NTM: variants seen among roughly 807,000 people sequenced by gnomAD.
The protein encoded by NTM is IgLON family member 2.
In NTM, 13 loss-of-function variants were observed where a neutral mutation model predicts 42.1. The observed-to-expected ratio is 0.31, with a 90% CI of 0.20 to 0.49. NTM has a LOEUF of 0.49. Among genes scored for constraint, NTM ranks in the 20% least tolerant of loss-of-function variants. The pLI is 0.99. For missense variants in NTM, 373 were observed against 452.8 expected, an observed-to-expected ratio of 0.82 and a Z score of 1.60; for synonymous variants, 187 against 179.2, an observed-to-expected ratio of 1.04 and a Z score of -0.35.
At chr11:132,060,079 T>C (rs578051515) in intron 2 of NTM, among the ~76,000 whole-genome samples, 65 of 152,292 alleles carry the variant, frequency 4.3e-4, no homozygotes, top group African/African-American at 1.5e-3. Flanking sequence ...GATTCTTCCC[T>C]CCACATGAGA....
At chr11:131,703,818 C>T (rs943930991) in intron 1 of NTM, among the ~76,000 whole-genome samples, 5 of 152,114 alleles carry the variant, frequency 3.3e-5, no homozygotes, top group South Asian at 2.1e-4. Context: ...GAGTAGCATA[C>T]GTTGCTGCAG....
intron 1 of NTM, among the ~76,000 whole-genome samples, chr11:131,460,673 C>T (rs1951295790): frequency 6.6e-6 from 1 of 152,188 alleles, no homozygotes; most frequent in East Asian, 1.9e-4. Flanking sequence ...CTGCCTCAAC[C>T]TCCTGAGTAG....
intron 1 of NTM, among the ~76,000 whole-genome samples, chr11:131,500,970 T>G (rs2046746562): frequency 6.6e-6 from 1 of 151,864 alleles, no homozygotes; most frequent in South Asian, 2.1e-4. Context: ...TGCCACATTT[T>G]CTTAATCCTG....
intron 1 of NTM, among the ~76,000 whole-genome samples, chr11:131,614,446 T>A (rs559174595): frequency 6.6e-6 from 1 of 152,350 alleles, no homozygotes; most frequent in South Asian, 2.1e-4. Context: ...CTGTTCTTTT[T>A]GTTTTAAGCT....
chr11:132,152,672 C>T (rs2072215602), intron 3 of NTM, among the ~76,000 whole-genome samples: 1 of 152,166 alleles, frequency 6.6e-6, no homozygotes, highest in East Asian at 1.9e-4. Flanking sequence ...TCTGTTCTAC[C>T]TGGTGAGTTT....
chr11:131,515,793 A>G (rs540365354), intron 1 of NTM, among the ~76,000 whole-genome samples: 7 of 152,202 alleles, frequency 4.6e-5, no homozygotes, highest in Non-Finnish European at 7.4e-5. Flanking sequence ...GAAACGTTTC[A>G]GGGAGATTGC....
Position 132,112,530 on chromosome 11 carries a change from G to A in NTM, c.168-33752G>A, listed in dbSNP as rs538279233. ...CTGGTGGAGTCAACAGCAAGAAAAC[G>A]AGACTCCCAGTGGGAGGGTGTGTAC... On this transcript the variant is annotated intron_variant, in intron 2 of 8. Transcript: ENST00000683400. 2.9e-4 allele frequency among the ~76,000 whole-genome samples: 44 copies of A among 152,206 alleles called. No homozygotes were observed. The South Asian group carries it at 8.7e-3, about 30-fold the overall frequency.
chr11:131,700,090 C>G (rs79705161), intron 1 of NTM, among the ~76,000 whole-genome samples: 2,365 of 152,158 alleles, frequency 0.016, 58 homozygotes, highest in African/African-American at 0.053. Context: ...ATGTTGGGCA[C>G]AAACTCATGT....
chr11:132,238,280 G>T (rs939554519), intron 4 of NTM, among the ~76,000 whole-genome samples: 51 of 152,108 alleles, frequency 3.4e-4, no homozygotes, highest in Non-Finnish European at 6.8e-4. Context: ...CATAAGATGG[G>T]GGAGGATTGT....
chr11:131,382,269 G>A (rs1026886465), intron 1 of NTM, among the ~76,000 whole-genome samples: 5 of 152,084 alleles, frequency 3.3e-5, no homozygotes, highest in Non-Finnish European at 7.3e-5. Context: ...CTTCCTGGAG[G>A]TGCAGGATCC....
At chr11:131,610,958 A>G (rs1353263138) in intron 1 of NTM, among the ~76,000 whole-genome samples, 4 of 152,188 alleles carry the variant, frequency 2.6e-5, no homozygotes, top group Admixed American at 2.6e-4. Context: ...AGCGTGCAGA[A>G]TCGATTGGAT....
intron 1 of NTM, among the ~76,000 whole-genome samples, chr11:131,443,446 G>C (rs956262200): frequency 2.0e-5 from 3 of 152,136 alleles, no homozygotes; most frequent in African/African-American, 4.8e-5. Context: ...TGAGATTGAG[G>C]TGCCTGTGAA....
intron 1 of NTM, among the ~76,000 whole-genome samples, chr11:131,679,090 C>A (rs1398665527): frequency 6.6e-6 from 1 of 152,138 alleles, no homozygotes; most frequent in African/African-American, 2.4e-5. Context: ...TGCTCTGTGC[C>A]CACTCAGGGC....
At chr11:131,542,859 C>A (rs576279964) in intron 1 of NTM, among the ~76,000 whole-genome samples, 1 of 151,974 alleles carries the variant, frequency 6.6e-6, no homozygotes, top group Non-Finnish European at 1.5e-5. Flanking sequence ...AGAGTCGGTG[C>A]TAATTTCCCT....
At chr11:132,138,575 T>TATCTATC (rs1555279960) in intron 2 of NTM, among the ~76,000 whole-genome samples, 36 of 27,834 alleles carry the variant, frequency 1.3e-3, no homozygotes, top group Non-Finnish European at 3.9e-3. Context: ...TCTATCTATC[T>TATCTATC]ATCTATCTAT....
At chr11:132,215,168 A>G (rs2083574013) in intron 4 of NTM, among the ~76,000 whole-genome samples, 1 of 152,218 alleles carries the variant, frequency 6.6e-6, no homozygotes, top group African/African-American at 2.4e-5. Context: ...CTCCAAAGAA[A>G]GAGCGCTGTT....
intron 3 of NTM, among the ~76,000 whole-genome samples, chr11:132,178,715 T>C (rs2077156449): frequency 6.6e-6 from 1 of 152,168 alleles, no homozygotes; most frequent in African/African-American, 2.4e-5. Flanking sequence ...GGGAAGAATG[T>C]TCATCATTTA....
intron 2 of NTM, among the ~76,000 whole-genome samples, chr11:132,046,880 A>G (rs1385056026): frequency 6.6e-6 from 1 of 152,208 alleles, no homozygotes; most frequent in African/African-American, 2.4e-5. Flanking sequence ...TTTATAAATC[A>G]TCAATCTATC....
chr11:131,983,516 C>T (rs144705094), intron 2 of NTM, among the ~76,000 whole-genome samples: 1 of 151,774 alleles, frequency 6.6e-6, no homozygotes, highest in Non-Finnish European at 1.5e-5. Context: ...GCTGGGATTC[C>T]AGGCATCTGC....
Sources: gnomAD v4.1 joint callset for allele counts (sites outside exome capture counted in the v4.1 genomes callset) on GRCh38, gnomAD v4.1.1 for gene constraint, MANE v1.5 for transcripts, NCBI Gene and HGNC (gene_info 2026-07-23, HGNC 2026-07-21) for gene names.